Variants in FAR1 observed in about 807,000 individuals in gnomAD.
The protein encoded by FAR1 is male sterility domain-containing protein 2.
FAR1 carries 22 observed loss-of-function variants against 61.1 expected under a neutral mutation model. That is an observed-to-expected ratio of 0.36 (90% CI 0.26 to 0.51). FAR1 has a LOEUF of 0.51. Among genes scored for constraint, FAR1 ranks in the 20% least tolerant of loss-of-function variants. FAR1 has a pLI of 0.95. For missense variants in FAR1, 359 were observed against 626.9 expected (o/e 0.57, Z 4.56); for synonymous variants, 206 against 209.7 (o/e 0.98, Z 0.15).
chr11:13,675,236 A>T (rs1297941173), intron 1 of FAR1, among the ~76,000 whole-genome samples: 2 of 152,170 alleles, frequency 1.3e-5, no homozygotes, highest in Admixed American at 6.5e-5. Context: ...ATATAATTGA[A>T]GAGACTGTAC....
intron 1 of FAR1, among the ~76,000 whole-genome samples, chr11:13,694,323 G>A (rs1848286513): frequency 6.6e-6 from 1 of 152,164 alleles, no homozygotes; most frequent in Non-Finnish European, 1.5e-5. Context: ...GACACCTCCA[G>A]TGTTACACAA....
chr11:13,720,435 C>T (rs895918014), intron 9 of FAR1: 1 of 152,058 alleles, frequency 6.6e-6, no homozygotes, highest in African/African-American at 2.4e-5. Flanking sequence ...TGCTTTTTAT[C>T]TACAGAACTA....
chr11:13,718,360 A>T (rs1848576089), intron 9 of FAR1, among the ~76,000 whole-genome samples: 1 of 152,122 alleles, frequency 6.6e-6, no homozygotes, highest in Non-Finnish European at 1.5e-5. Flanking sequence ...CTTTCAGCAA[A>T]TTTCTGCTAG....
At chr11:13,672,544 CAAA>C (rs34377920) in intron 1 of FAR1, among the ~76,000 whole-genome samples, 8 of 111,464 alleles carry the variant, frequency 7.2e-5, no homozygotes, top group East Asian at 3.0e-4. Flanking sequence ...GACCCTGTCT[CAAA>C]AAAAAAAAAA....
chr11:13,716,057 T>C (rs1007079740), intron 9 of FAR1, among the ~76,000 whole-genome samples: 1 of 152,238 alleles, frequency 6.6e-6, no homozygotes, highest in African/African-American at 2.4e-5. Context: ...TTTCAGACTT[T>C]TCTAGAATGA....
intron 3 of FAR1, among the ~76,000 whole-genome samples, chr11:13,706,008 T>C (rs1468254170): frequency 6.6e-6 from 1 of 152,216 alleles, no homozygotes; most frequent in Admixed American, 6.5e-5. Context: ...TCCTGGTCTT[T>C]TAAAACAATA....
intron 1 of FAR1, among the ~76,000 whole-genome samples, chr11:13,688,243 T>G (rs533478318): frequency 5.9e-4 from 65 of 110,784 alleles, no homozygotes; most frequent in African/African-American, 1.9e-3. Flanking sequence ...GTGGGAATTG[T>G]TTTTTTTTCC....
intron 1 of FAR1, among the ~76,000 whole-genome samples, chr11:13,670,998 G>A (rs1372173281): frequency 6.6e-6 from 1 of 152,186 alleles, no homozygotes; most frequent in Non-Finnish European, 1.5e-5. Flanking sequence ...ATGTTTGCTT[G>A]TTAACCAGAT....
chr11:13,723,739 G>C (rs535679589), intron 10 of FAR1, among the ~76,000 whole-genome samples: 1 of 152,016 alleles, frequency 6.6e-6, no homozygotes, highest in South Asian at 2.1e-4. Context: ...TTCATATTTT[G>C]TATCTCAGTG....
chr11:13,722,856 C>CTA (rs1229633169), intron 10 of FAR1, among the ~76,000 whole-genome samples: 13 of 140,960 alleles, frequency 9.2e-5, no homozygotes, highest in African/African-American at 3.3e-4. Flanking sequence ...CTCTCTCTCT[C>CTA]TCTATATATA....
chr11:13,718,202 T>C (rs771890988), intron 9 of FAR1, among the ~76,000 whole-genome samples: 5 of 152,216 alleles, frequency 3.3e-5, no homozygotes, highest in Non-Finnish European at 7.3e-5. Flanking sequence ...TAGGTCTTTC[T>C]AAAGTCTTAG....
chr11:13,724,333 C>T (rs1027171226), intron 10 of FAR1, among the ~76,000 whole-genome samples: 2 of 151,590 alleles, frequency 1.3e-5, no homozygotes, highest in Admixed American at 6.6e-5. Flanking sequence ...ATAACTTGAG[C>T]TCAGGAGTTC....
intron 1 of FAR1, among the ~76,000 whole-genome samples, chr11:13,676,151 ATTAT>A (rs1387698899): frequency 1.3e-5 from 2 of 152,178 alleles, no homozygotes; most frequent in Non-Finnish European, 2.9e-5. Context: ...AGTGTTTTTA[ATTAT>A]TAAGAGTGAT....
intron 1 of FAR1, among the ~76,000 whole-genome samples, chr11:13,684,039 A>G (rs147929741): frequency 1.2e-3 from 183 of 152,304 alleles, no homozygotes; most frequent in African/African-American, 4.3e-3. Flanking sequence ...TGTATATTCT[A>G]TGTACTTTAT....
At chr11:13,711,666 C>T in intron 5 of FAR1, 98 bp from the exon 6 acceptor site, 1 of 902,848 alleles carries the variant, frequency 1.1e-6, no homozygotes, top group Non-Finnish European at 1.8e-6. Flanking sequence ...TAGAAGACAG[C>T]TACCAAGTAT....
chr11:13,698,260 T>C (rs1848329499), intron 2 of FAR1, among the ~76,000 whole-genome samples: 1 of 152,208 alleles, frequency 6.6e-6, no homozygotes, highest in Admixed American at 6.5e-5. Context: ...TTAAAGTCTT[T>C]ATCTTGCCAG....
chr11:13,688,041 T>C (rs1449469322), intron 1 of FAR1, among the ~76,000 whole-genome samples: 1 of 152,014 alleles, frequency 6.6e-6, no homozygotes, highest in East Asian at 1.9e-4. Context: ...ATGGCACATG[T>C]ATACATATGT....
intron 2 of FAR1, 67 bp from the exon 3 acceptor site, chr11:13,700,250 T>C (rs1463737332): frequency 8.5e-7 from 1 of 1,177,514 alleles, no homozygotes; most frequent in Non-Finnish European, 1.2e-6. Flanking sequence ...GGGAAAAAAA[T>C]GGTGATAATG....
At chr11:13,691,869 C>A (rs570845172) in intron 1 of FAR1, among the ~76,000 whole-genome samples, 53 of 152,168 alleles carry the variant, frequency 3.5e-4, no homozygotes, top group Admixed American at 7.2e-4. Flanking sequence ...CAGAATGCTC[C>A]AAAATTCAAA....
Sources: gnomAD v4.1 joint callset for allele counts (sites outside exome capture counted in the v4.1 genomes callset) on GRCh38, gnomAD v4.1.1 for gene constraint, MANE v1.5 for transcripts, NCBI Gene and HGNC (gene_info 2026-07-23, HGNC 2026-07-21) for gene names.